DNM3: variants seen among roughly 807,000 people sequenced by gnomAD.
DNM3 encodes dynamin 3, also known as dynamin-3.
DNM3 carries 47 observed loss-of-function variants against 101.6 expected under a neutral mutation model. The observed-to-expected ratio is 0.46, with a 90% CI of 0.37 to 0.59. The LOEUF is 0.59. Among genes scored for constraint, DNM3 ranks in the 20% least tolerant of loss-of-function variants. DNM3 has a pLI of 0.00. For missense variants in DNM3, 849 were observed against 1,085.7 expected, an observed-to-expected ratio of 0.78 and a Z score of 3.06; for synonymous variants, 385 against 387.9, an observed-to-expected ratio of 0.99 and a Z score of 0.09.
intron 2 of DNM3, among the ~76,000 whole-genome samples, chr1:171,931,140 G>A (rs1186116186): frequency 1.3e-5 from 2 of 152,124 alleles, no homozygotes; most frequent in Non-Finnish European, 2.9e-5. Context: ...ATAAATTATT[G>A]TTGAAAGAAA....
chr1:172,106,908 C>T (rs1452891615), intron 13 of DNM3, among the ~76,000 whole-genome samples: 2 of 131,820 alleles, frequency 1.5e-5, no homozygotes, highest in African/African-American at 2.9e-5. Context: ...GGCCGGACCG[C>T]GGACTGCAGT....
At chr1:172,292,984 A>G (rs2148822364) in intron 15 of DNM3, among the ~76,000 whole-genome samples, 1 of 152,312 alleles carries the variant, frequency 6.6e-6, no homozygotes, top group East Asian at 1.9e-4. Context: ...GATAGGTGGT[A>G]ATGAGGAAGC....
intron 11 of DNM3, among the ~76,000 whole-genome samples, chr1:172,079,474 CA>C (rs1364781535): frequency 6.6e-6 from 1 of 151,984 alleles, no homozygotes; most frequent in African/African-American, 2.4e-5. Context: ...TCCATCAGGT[CA>C]TTTATATTCT....
chr1:172,083,297 A>G (rs2147752876), intron 12 of DNM3, among the ~76,000 whole-genome samples: 2 of 152,296 alleles, frequency 1.3e-5, no homozygotes, highest in South Asian at 2.1e-4. Flanking sequence ...ATGTAGAAAA[A>G]GAAAAAAACT....
intron 13 of DNM3, among the ~76,000 whole-genome samples, chr1:172,126,920 C>A (rs753341609): frequency 1.3e-5 from 2 of 152,138 alleles, no homozygotes. Flanking sequence ...AACCCTGGAT[C>A]AATTCCCATT....
At chr1:172,361,555 A>G (rs2067741584) in intron 17 of DNM3, among the ~76,000 whole-genome samples, 1 of 151,948 alleles carries the variant, frequency 6.6e-6, no homozygotes, top group Admixed American at 6.6e-5. Flanking sequence ...AAAAAATGCA[A>G]ATGCTCCTGG....
At chr1:172,151,527 C>T (rs1322257248) in intron 14 of DNM3, among the ~76,000 whole-genome samples, 1 of 152,164 alleles carries the variant, frequency 6.6e-6, no homozygotes, top group Non-Finnish European at 1.5e-5. Flanking sequence ...TACTTTGTTT[C>T]CATCTCTCCT....
chr1:172,338,055 C>T (rs2422079), intron 17 of DNM3, among the ~76,000 whole-genome samples: 2,503 of 151,334 alleles, frequency 0.017, 88 homozygotes, highest in African/African-American at 0.058. Context: ...TAGCTGGGAC[C>T]ACAGGCGCCC....
intron 14 of DNM3, among the ~76,000 whole-genome samples, chr1:172,174,037 A>T (rs932099218): frequency 9.2e-5 from 14 of 151,704 alleles, no homozygotes; most frequent in Admixed American, 7.3e-4. Context: ...TATGTTAATA[A>T]GAAAATAGTA....
At chr1:172,177,379 G>A (rs148814138) in intron 14 of DNM3, among the ~76,000 whole-genome samples, 38 of 151,500 alleles carry the variant, frequency 2.5e-4, no homozygotes, top group South Asian at 8.4e-4. Flanking sequence ...TTATAAATTC[G>A]ACTTTATCAT....
chr1:172,126,689 C>T (rs1416590750), intron 13 of DNM3, among the ~76,000 whole-genome samples: 1 of 151,854 alleles, frequency 6.6e-6, no homozygotes, highest in Admixed American at 6.6e-5. Flanking sequence ...CTGAAAACTC[C>T]ATTCTTGTCT....
At chr1:172,294,512 A>G (rs1467424003) in intron 15 of DNM3, among the ~76,000 whole-genome samples, 1 of 152,160 alleles carries the variant, frequency 6.6e-6, no homozygotes, top group Admixed American at 6.5e-5. Context: ...TCTTGGGAAC[A>G]CCCTTTAATA....
At chr1:172,160,966 C>T (rs904030202) in intron 14 of DNM3, among the ~76,000 whole-genome samples, 2 of 151,772 alleles carry the variant, frequency 1.3e-5, no homozygotes, top group Non-Finnish European at 2.9e-5. Context: ...GTCATTGACT[C>T]AAATGTTATG....
rs116736637 is a variant in DNM3, at chr1:172,033,763, T to C, written c.849+498T>C. Among the ~76,000 whole-genome samples the C allele has an allele frequency of 6.1e-3, 933 of 152,292 alleles. 10 individuals carry two copies. The highest frequency in any genetic ancestry group is 0.021 in the African/African-American group (885 of 41,568). On this transcript the variant is annotated intron_variant, in intron 6 of 20. Coordinates refer to ENST00000627582, the MANE Select transcript of DNM3 (RefSeq NM_015569.5). ...ATCATTGATTTCCACTCATCTAAGA[T>C]GCTTTTCTAGATAACCCCTTTTCCC...
chr1:172,333,026 C>G (rs2148938024), intron 17 of DNM3, among the ~76,000 whole-genome samples: 1 of 152,224 alleles, frequency 6.6e-6, no homozygotes, highest in South Asian at 2.1e-4. Flanking sequence ...GACAAAATAT[C>G]TATCCTTTAA....
chr1:171,981,925 T>G (rs1438352916), intron 2 of DNM3, among the ~76,000 whole-genome samples: 2 of 152,220 alleles, frequency 1.3e-5, no homozygotes, highest in Admixed American at 1.3e-4. Flanking sequence ...ACCTTCATCC[T>G]TTGTATGACT....
chr1:172,219,653 T>C (rs1389978156), intron 14 of DNM3, among the ~76,000 whole-genome samples: 1 of 152,020 alleles, frequency 6.6e-6, no homozygotes, highest in Non-Finnish European at 1.5e-5. Flanking sequence ...CGCAAAAGAC[T>C]CAATCTGAGA....
At chr1:171,987,096 C>G (rs904521509) in intron 2 of DNM3, among the ~76,000 whole-genome samples, 1 of 151,916 alleles carries the variant, frequency 6.6e-6, no homozygotes, top group African/African-American at 2.4e-5. Flanking sequence ...TACTCTATAA[C>G]TTTTTTCCTT....
At chr1:172,213,517 C>CAAA (rs57339395) in intron 14 of DNM3, among the ~76,000 whole-genome samples, 5,849 of 79,286 alleles carry the variant, frequency 0.074, 547 homozygotes, top group African/African-American at 0.15. Flanking sequence ...TCCATTGTTA[C>CAAA]AAAAAAAAAA....
Sources: allele counts gnomAD v4.1 joint callset (sites outside exome capture counted in the v4.1 genomes callset), GRCh38; gene constraint gnomAD v4.1.1; transcripts MANE v1.5; gene names NCBI Gene and HGNC (gene_info 2026-07-23, HGNC 2026-07-21).